Variants in ZER1 observed in about 807,000 individuals in gnomAD.
ZER1 encodes zyg-11 related cell cycle regulator.
ZER1 carries 11 observed loss-of-function variants against 78.8 expected under a neutral mutation model. The ratio of observed to expected loss-of-function variants is 0.14; its 90% confidence interval spans 0.09 to 0.23. The LOEUF (loss-of-function observed/expected upper bound fraction) is 0.23, where lower values mean the gene tolerates loss of function less well. Ranked by LOEUF, ZER1 falls within the 10% of genes least tolerant of loss-of-function variation. The pLI is 1.00. For synonymous variants in ZER1, 400 were observed against 407.0 expected (o/e 0.98, Z 0.21); for missense variants, 588 against 996.9 (o/e 0.59, Z 5.52).
chr9:128,750,086 T>G (rs957769630), intron 8 of ZER1, among the ~76,000 whole-genome samples: 2 of 152,160 alleles, frequency 1.3e-5, no homozygotes, highest in Non-Finnish European at 2.9e-5. Flanking sequence ...GATGTTCATA[T>G]TCATGTGACA....
Position 128,771,844 on chromosome 9 carries a change from G to A in ZER1, c.-358C>T, listed in dbSNP as rs1004264646. The A allele has an allele frequency of 6.6e-6, 1 of 152,310 alleles. No homozygotes were observed. The highest frequency in any genetic ancestry group is 2.1e-4 in the South Asian group (1 of 4,828). The allele number at this position is 152,310 out of a possible 1,614,324, so 9.4% of individuals were successfully genotyped here. A position where few individuals can be genotyped will look rare whatever the true frequency, so the allele number is the denominator to read the frequency against. ...CCCTTAGGGCTGCCGGCGGGGCTGA[G>A]GCTCCTGGGCCCGGCCCCTCCCCCG... On this transcript the variant is annotated 5_prime_UTR_variant, in exon 1 of 16. Coordinates refer to ENST00000291900, the MANE Select transcript of ZER1 (RefSeq NM_006336.4).
chr9:128,739,283 A>T (rs938173851), intron 13 of ZER1, among the ~76,000 whole-genome samples: 1 of 151,792 alleles, frequency 6.6e-6, no homozygotes, highest in Non-Finnish European at 1.5e-5. Flanking sequence ...TGGGCGGATC[A>T]CGAGGTCAGG....
Position 128,735,596 on chromosome 9 carries a change from CACA to C in ZER1, c.2043-168_2043-166del, listed in dbSNP as rs563289919. On this transcript the variant is annotated intron_variant, in intron 13 of 15. Coordinates refer to ENST00000291900, the MANE Select transcript of ZER1 (RefSeq NM_006336.4). ...GGCCCTGCATCCCACTGGCAGGCTG[CACA>C]ACAAGGTTCCCTTGGAGAGGATAAA... Among the ~76,000 whole-genome samples, 14 of 152,058 alleles carry C rather than the reference CACA, an allele frequency of 9.2e-5. No individual in the cohort carries two copies. In the South Asian group the frequency reaches 2.9e-3, roughly 32 times the overall value.
intron 13 of ZER1, among the ~76,000 whole-genome samples, chr9:128,739,501 CAA>C (rs563196410): frequency 3.9e-4 from 30 of 77,778 alleles, no homozygotes; most frequent in Admixed American, 4.6e-4. Flanking sequence ...GACTCTGTCT[CAA>C]AAAAAAAAAA....
At chr9:128,770,443 G>A (rs1051173589) in intron 1 of ZER1, among the ~76,000 whole-genome samples, 2 of 152,038 alleles carry the variant, frequency 1.3e-5, no homozygotes, top group African/African-American at 4.8e-5. Flanking sequence ...AAATCACCAG[G>A]CATATGACCA....
Position 128,751,321 on chromosome 9 carries a change from C to G in ZER1, c.1039-53G>C. On this transcript the variant is annotated intron_variant, in intron 6 of 15. Transcript: ENST00000291900. This position sits in a 1 kb window ranked among gnomAD's most constrained non-coding sequence, Gnocchi z 5.4. ...CCAGCAGAGGCCAAGGGCTGGGATG[C>G]CAGATCCCAGCTCAGTCTCCAGCCC... 1.9e-6 allele frequency: 3 copies of G among 1,604,728 alleles called. No individual in the cohort carries two copies. The highest frequency in any genetic ancestry group is 2.6e-6 in the Non-Finnish European group (3 of 1,173,176).
In ZER1 at chr9:128,735,323, T is replaced by A. The variant is rs756051484; in HGVS notation, c.2140+11A>T. ...GATGAGTGTCTGAACCCAGGACAAG[T>A]TGGCACTCACGGTAGACAGACACGA... On this transcript the variant is annotated intron_variant, in intron 14 of 15. Transcript: ENST00000291900. The A allele has an allele frequency of 1.2e-6, 2 of 1,610,294 alleles. No individual in the cohort carries two copies. The highest frequency in any genetic ancestry group is 1.7e-5 in the Admixed American group (1 of 59,348).
intron 15 of ZER1, among the ~76,000 whole-genome samples, chr9:128,731,995 C>G (rs1435780787): frequency 6.6e-6 from 1 of 152,238 alleles, no homozygotes; most frequent in African/African-American, 2.4e-5. Flanking sequence ...GGACCCCGGA[C>G]AGCTTGCCCA....
Position 128,739,983 on chromosome 9 carries a change from A to G in ZER1, c.1990T>C (p.Trp664Arg), listed in dbSNP as rs1863233541. ...PQREEVEERM[W>R]AAIQSWDINS... is the part of the protein sequence containing the mutation. ...ATGTCCCAGCTCTGGATGGCAGCCCACATGCGTTCCTCCACCTCCTCACGC... is the reference window on the plus strand; with the variant it reads ...ATGTCCCAGCTCTGGATGGCAGCCCGCATGCGTTCCTCCACCTCCTCACGC... Residue 664 changes from tryptophan to arginine, a missense_variant, in exon 13 of 16, where the codon TGG (tryptophan) becomes CGG (arginine). Trp to Arg is a moderately radical substitution (Grantham distance 101). Around this residue, in one of 3 missense-constraint regions of ZER1, gnomAD observed 122 missense variants for 173.5 expected, o/e 0.70. Coordinates refer to ENST00000291900, the MANE Select transcript of ZER1 (RefSeq NM_006336.4). The G allele has an allele frequency of 6.2e-7, 1 of 1,613,822 alleles. No individual in the cohort carries two copies. Among genetic ancestry groups the G allele is most frequent in the Non-Finnish European group, 8.5e-7 (1 of 1,179,758 alleles).
At chr9:128,762,794 A>G (rs534813414) in intron 1 of ZER1, among the ~76,000 whole-genome samples, 2 of 152,190 alleles carry the variant, frequency 1.3e-5, no homozygotes, top group Non-Finnish European at 2.9e-5. Flanking sequence ...GGAAGGCACA[A>G]AAGCCAGGAT....
rs771500351 is a variant in ZER1, at chr9:128,750,736, T to C, written c.1239A>G (p.Thr413=). 1 of 1,614,222 alleles carries C rather than the reference T, an allele frequency of 6.2e-7. No homozygotes were observed. Among genetic ancestry groups the C allele is most frequent in the South Asian group, 1.1e-5 (1 of 91,090 alleles). The change falls in exon 8 of 16, where the codon ACA becomes ACG. Residue 413 remains threonine, a synonymous_variant. Transcript: ENST00000291900. ...CHKYDRNIQV[T]GSAALFYLTN... ...TTAGGTAGAAGAGAGCGGCGCTGCC[T>C]GTCACTTGAATGTTCCTGTCATATT...
At chr9:128,747,194 C>T (rs2132429896) in intron 8 of ZER1, among the ~76,000 whole-genome samples, 1 of 149,474 alleles carries the variant, frequency 6.7e-6, no homozygotes, top group South Asian at 2.1e-4. Flanking sequence ...GACTCTGTCT[C>T]AAAAAAAAAG....
At chr9:128,764,601 G>A (rs1038244130) in intron 1 of ZER1, among the ~76,000 whole-genome samples, 3 of 152,210 alleles carry the variant, frequency 2.0e-5, no homozygotes, top group Admixed American at 6.5e-5. Context: ...GGAATGAGCT[G>A]GAAGAGGAAG....
rs776592663 is a variant in ZER1, at chr9:128,755,589, C to A, written c.-24G>T. 1.9e-6 allele frequency: 3 copies of A among 1,599,270 alleles called. No homozygotes were observed. Among genetic ancestry groups the A allele is most frequent in the East Asian group, 4.5e-5 (2 of 44,452 alleles). ...ATGCTGGGGGCAAGCAGGTGGGCCA[C>A]TCCAGGACAAGGATCCCCAGGGGCA... On this transcript the variant is annotated 5_prime_UTR_variant, in exon 2 of 16. Transcript: ENST00000291900. This position sits in a 1 kb window ranked among gnomAD's most constrained non-coding sequence, Gnocchi z 5.6.
intron 1 of ZER1, among the ~76,000 whole-genome samples, chr9:128,759,666 G>A (rs1330536464): frequency 2.0e-5 from 3 of 151,746 alleles, no homozygotes; most frequent in Non-Finnish European, 2.9e-5. Flanking sequence ...GTGGTGGCAC[G>A]CACCTGTAGT....
chr9:128,745,387 C>T (rs1863454767), intron 8 of ZER1, among the ~76,000 whole-genome samples: 1 of 151,616 alleles, frequency 6.6e-6, no homozygotes, highest in African/African-American at 2.4e-5. Context: ...GATGGAGTCT[C>T]ATTTACTCTT....
intron 8 of ZER1, 97 bp from the exon 9 acceptor site, chr9:128,742,842 T>C (rs1315003844): frequency 7.7e-7 from 1 of 1,306,624 alleles, no homozygotes; most frequent in Non-Finnish European, 1.0e-6. Flanking sequence ...TCCAGAGTTG[T>C]GGCAGTCCAG....
chr9:128,757,044 A>G (rs1198324832), intron 1 of ZER1, among the ~76,000 whole-genome samples: 1 of 152,236 alleles, frequency 6.6e-6, no homozygotes, highest in Non-Finnish European at 1.5e-5. Context: ...ACTTCTGTTC[A>G]TGCATACACA....
chr9:128,740,620 C>T lies in ZER1; in HGVS notation c.1853+152G>A, dbSNP rs139540251. ...GATATAATTACAAAAGGACCACTTA[C>T]GAAGGATTGAATGAATAAGAAACCA... On this transcript the variant is annotated intron_variant, in intron 12 of 15. Transcript: ENST00000291900. This position sits in a 1 kb window ranked among gnomAD's most constrained non-coding sequence, Gnocchi z 4.4. The T allele has an allele frequency of 3.0e-5, 17 of 562,092 alleles. No individual in the cohort carries two copies. Among genetic ancestry groups the T allele is most frequent in the Admixed American group, 9.4e-5 (3 of 31,902 alleles). 34.8% of individuals were successfully genotyped at this position (562,092 alleles called of 1,614,324 possible). A position where few individuals can be genotyped will look rare whatever the true frequency, so the allele number is the denominator to read the frequency against.
Sources: gnomAD v4.1 joint callset for allele counts (sites outside exome capture counted in the v4.1 genomes callset) on GRCh38, gnomAD v4.1.1 for gene constraint, gnomAD v4.1.1 regional missense constraint, Gnocchi (gnomAD v3.1) non-coding constraint, MANE v1.5 for transcripts, NCBI Gene and HGNC (gene_info 2026-07-23, HGNC 2026-07-21) for gene names.